The following CNTN5 variants were observed in gnomAD, a reference collection of about 807,000 sequenced individuals.
CNTN5 encodes the protein contactin 5.
A neutral mutation model predicts 129.1 loss-of-function variants in CNTN5; 77 were observed. The observed-to-expected ratio is 0.60, with a 90% CI of 0.50 to 0.72. The LOEUF is 0.72. Among genes scored for constraint, CNTN5 ranks in the 30% least tolerant of loss-of-function variants. The pLI is 0.00. For missense variants in CNTN5, 1,478 were observed against 1,328.8 expected (o/e 1.11, Z -1.75); for synonymous variants, 509 against 465.6 (o/e 1.09, Z -1.20).
chr11:100,001,243 G>A (rs1301685124), intron 8 of CNTN5, among the ~76,000 whole-genome samples: 1 of 152,124 alleles, frequency 6.6e-6, no homozygotes, highest in Non-Finnish European at 1.5e-5. Context: ...CTTACGTGGT[G>A]GCAGAAGAGA....
At chr11:99,243,891 G>C (rs970126799) in intron 1 of CNTN5, among the ~76,000 whole-genome samples, 1 of 151,738 alleles carries the variant, frequency 6.6e-6, no homozygotes, top group East Asian at 1.9e-4. Context: ...TTTGAAATTC[G>C]GCAATGTGAT....
chr11:99,157,838 C>A (rs1430883820), intron 1 of CNTN5, among the ~76,000 whole-genome samples: 1 of 152,078 alleles, frequency 6.6e-6, no homozygotes, highest in African/African-American at 2.4e-5. Context: ...TTTCAGAATT[C>A]TTGCAGTAGC....
chr11:99,838,709 G>A (rs1947381826), intron 4 of CNTN5, among the ~76,000 whole-genome samples: 1 of 152,118 alleles, frequency 6.6e-6, no homozygotes, highest in African/African-American at 2.4e-5. Flanking sequence ...GCTGCCTTTT[G>A]GCCAAGCCAG....
At chr11:99,572,765 T>TA (rs1949215827) in intron 3 of CNTN5, among the ~76,000 whole-genome samples, 1 of 24,362 alleles carries the variant, frequency 4.1e-5, no homozygotes, top group Non-Finnish European at 2.9e-4. Context: ...TGAGGGTTTT[T>TA]TTTAAAAAAT....
At chr11:99,425,583 A>G (rs1309562015) in intron 2 of CNTN5, among the ~76,000 whole-genome samples, 1 of 152,248 alleles carries the variant, frequency 6.6e-6, no homozygotes, top group African/African-American at 2.4e-5. Context: ...GGTTTGCAAC[A>G]GTGCACACGC....
chr11:99,152,772 G>T (rs1565359446), intron 1 of CNTN5, among the ~76,000 whole-genome samples: 1 of 152,176 alleles, frequency 6.6e-6, no homozygotes, highest in Non-Finnish European at 1.5e-5. Flanking sequence ...TGTTTCTGTG[G>T]TGATTGGTAA....
intron 3 of CNTN5, among the ~76,000 whole-genome samples, chr11:99,568,944 T>C (rs1292667086): frequency 6.6e-6 from 1 of 152,186 alleles, no homozygotes. Context: ...TCCATTCTAA[T>C]TTTCGTTATA....
At chr11:99,460,070 T>C (rs892523817) in intron 2 of CNTN5, among the ~76,000 whole-genome samples, 3 of 151,940 alleles carry the variant, frequency 2.0e-5, no homozygotes, top group Non-Finnish European at 4.4e-5. Context: ...ATTAGATAGT[T>C]GGACATGGAG....
chr11:100,353,674 T>G (rs548342271), intron 24 of CNTN5, among the ~76,000 whole-genome samples: 13 of 151,752 alleles, frequency 8.6e-5, no homozygotes, highest in Admixed American at 5.9e-4. Context: ...GGCTATGTGC[T>G]TCACAATAAC....
At chr11:99,306,713 G>A (rs951000491) in intron 1 of CNTN5, among the ~76,000 whole-genome samples, 3 of 149,968 alleles carry the variant, frequency 2.0e-5, no homozygotes, top group African/African-American at 4.9e-5. Flanking sequence ...CAGCCTGGGC[G>A]ACAGAGCAAG....
rs1943501127 is a variant in CNTN5, at chr11:99,433,974, G to A, written c.-71+108490G>A. On this transcript the variant is annotated intron_variant, in intron 2 of 24. Transcript: ENST00000524871. Reference sequence around the variant, plus strand: ...TTTTCTTTGAGAAAGCGGAAAAGCAGATCAGAAAAAGACTTGTCAGAAGAT... The same window carrying A: ...TTTTCTTTGAGAAAGCGGAAAAGCAAATCAGAAAAAGACTTGTCAGAAGAT... 3.9e-5 allele frequency among the ~76,000 whole-genome samples: 6 copies of A among 152,170 alleles called. No individual in the cohort carries two copies. The South Asian group carries it at 1.2e-3, about 32-fold the overall frequency.
At chr11:99,854,891 A>C (rs1459118666) in intron 6 of CNTN5, among the ~76,000 whole-genome samples, 2 of 152,198 alleles carry the variant, frequency 1.3e-5, no homozygotes, top group African/African-American at 4.8e-5. Context: ...AGACAAAATA[A>C]AGGTAGAAAG....
intron 3 of CNTN5, among the ~76,000 whole-genome samples, chr11:99,815,545 A>C (rs1946559710): frequency 6.6e-6 from 1 of 152,160 alleles, no homozygotes. Flanking sequence ...TTATTTGTCA[A>C]ATAGAATGGA....
intron 6 of CNTN5, among the ~76,000 whole-genome samples, chr11:99,902,331 T>C (rs1949381407): frequency 6.6e-6 from 1 of 151,586 alleles, no homozygotes; most frequent in Non-Finnish European, 1.5e-5. Context: ...TAACAGTACC[T>C]ACATTATACC....
chr11:99,925,071 A>C (rs553191439), intron 7 of CNTN5, among the ~76,000 whole-genome samples: 1 of 152,264 alleles, frequency 6.6e-6, no homozygotes, highest in African/African-American at 2.4e-5. Context: ...ATAAAGTGCA[A>C]AACCATAGAC....
At chr11:99,733,052 G>A (rs1057094970) in intron 3 of CNTN5, among the ~76,000 whole-genome samples, 14 of 152,190 alleles carry the variant, frequency 9.2e-5, no homozygotes, top group African/African-American at 2.6e-4. Context: ...TTGGCCGGGC[G>A]CGGTGGCTCA....
At chr11:99,031,420 A>G (rs1013242985) in intron 1 of CNTN5, among the ~76,000 whole-genome samples, 1 of 152,192 alleles carries the variant, frequency 6.6e-6, no homozygotes, top group Non-Finnish European at 1.5e-5. Context: ...AAGATATAAT[A>G]TAGTAGAAAG....
At chr11:99,489,011 C>T (rs192287756) in intron 2 of CNTN5, among the ~76,000 whole-genome samples, 73 of 152,056 alleles carry the variant, frequency 4.8e-4, no homozygotes, top group African/African-American at 1.7e-3. Context: ...CAGAAGATCT[C>T]AAGAGAGCCT....
At chr11:99,155,504 G>T (rs1860289381) in intron 1 of CNTN5, among the ~76,000 whole-genome samples, 1 of 152,170 alleles carries the variant, frequency 6.6e-6, no homozygotes, top group Non-Finnish European at 1.5e-5. Flanking sequence ...GATGCGATTG[G>T]TCATTGATCA....
Sources: gnomAD v4.1 joint callset for allele counts (sites outside exome capture counted in the v4.1 genomes callset) on GRCh38, gnomAD v4.1.1 for gene constraint, MANE v1.5 for transcripts, NCBI Gene and HGNC (gene_info 2026-07-23, HGNC 2026-07-21) for gene names.